The following OSBPL5 variants were observed in gnomAD, a reference collection of about 807,000 sequenced individuals.
The protein encoded by OSBPL5 is oxysterol binding protein like 5.
A neutral mutation model predicts 111.2 loss-of-function variants in OSBPL5; 71 were observed. That is an observed-to-expected ratio of 0.64 (90% CI 0.53 to 0.78). The LOEUF is 0.78. OSBPL5 is among the 30% of genes least tolerant of loss of function. OSBPL5 has a pLI of 0.00. For missense variants in OSBPL5, 1,210 were observed against 1,189.3 expected (o/e 1.02, Z -0.26); for synonymous variants, 549 against 513.9 (o/e 1.07, Z -0.93).
Position 3,121,711 on chromosome 11 carries a change from C to A in OSBPL5, c.402+286G>T. ...CAGCGCCCTCCGCCCACTGGCCAGGCCCCACCTTATTCGGAAATGGGGTCT... is the reference window on the plus strand; with the variant it reads ...CAGCGCCCTCCGCCCACTGGCCAGGACCCACCTTATTCGGAAATGGGGTCT... On this transcript the variant is annotated intron_variant, in intron 5 of 21. Transcript: ENST00000263650. This position sits in a 1 kb window ranked among gnomAD's most constrained non-coding sequence, Gnocchi z 4.3. The A allele has an allele frequency of 2.2e-6, 1 of 458,702 alleles. No homozygotes were observed. Among genetic ancestry groups the A allele is most frequent in the East Asian group, 4.1e-5 (1 of 24,418 alleles). The allele number at this position is 458,702 out of a possible 1,614,324, so 28.4% of individuals were successfully genotyped here. A position where few individuals can be genotyped will look rare whatever the true frequency, so the allele number is the denominator to read the frequency against.
rs960752595 is a variant in OSBPL5 at position 3,162,245 on chromosome 11, A to C, written c.-22+2971T>G. On this transcript the variant is annotated intron_variant, in intron 1 of 21. Transcript: ENST00000263650. The surrounding 1 kb of genome is among the most constrained non-coding windows in gnomAD (Gnocchi z 8.1). ...CAAGAGCTGGTAGGGCCAGGAGGGG[A>C]GTGGAGGCCAGCCCTGGAGGGAGTA... 2.6e-5 allele frequency among the ~76,000 whole-genome samples: 4 copies of C among 151,984 alleles called. No homozygotes were observed. The highest frequency in any genetic ancestry group is 9.7e-5 in the African/African-American group (4 of 41,352).
intron 14 of OSBPL5, among the ~76,000 whole-genome samples, chr11:3,096,806 T>TA (rs1181209961): frequency 1.3e-5 from 2 of 151,646 alleles, no homozygotes; most frequent in Non-Finnish European, 2.9e-5. Flanking sequence ...TACTTTGATA[T>TA]ATGTTTGAAC....
In OSBPL5 at chr11:3,092,541, G is replaced by C. The variant is rs1303375469; in HGVS notation, c.2150C>G (p.Pro717Arg). 1 of 1,591,150 alleles carries C rather than the reference G, an allele frequency of 6.3e-7. No homozygotes were observed. The highest frequency in any genetic ancestry group is 8.6e-7 in the Non-Finnish European group (1 of 1,169,018). The change falls in exon 19 of 22, where the codon CCC becomes CGC. Residue 717 changes from proline (P) to arginine (R), a missense_variant. By Grantham distance (103) the Pro-to-Arg change is moderately radical. Transcript: ENST00000263650. This position sits in a 1 kb window ranked among gnomAD's most constrained non-coding sequence, Gnocchi z 5.4. ...YRYEDHSPWDPLKDIAQFEQD... is the reference protein window; with the variant it reads ...YRYEDHSPWDRLKDIAQFEQD... ...CTCAAACTGGGCGATGTCCTTCAGG[G>C]GGTCCCAGGGGCTGTGGCTGGAGGG...
chr11:3,093,301 G>C, intron 17 of OSBPL5: 1 of 781,940 alleles, frequency 1.3e-6, no homozygotes, highest in Admixed American at 2.9e-5. Context: ...CTCGCCGGCA[G>C]TGATGCAGTG....
intron 3 of OSBPL5, among the ~76,000 whole-genome samples, chr11:3,122,972 G>C (rs994273180): frequency 6.6e-6 from 1 of 152,184 alleles, no homozygotes; most frequent in Non-Finnish European, 1.5e-5. Context: ...TTCCCCCTAC[G>C]GTACCCAGCA....
intron 10 of OSBPL5, among the ~76,000 whole-genome samples, chr11:3,103,854 G>GCCCCC (rs879566277): frequency 2.9e-5 from 3 of 103,476 alleles, no homozygotes; most frequent in Non-Finnish European, 6.1e-5. Flanking sequence ...CCCCTTTCCA[G>GCCCCC]TCTGCGCAGC....
Position 3,120,537 on chromosome 11 carries a change from G to A in OSBPL5, c.490C>T (p.Gln164Ter), listed in dbSNP as rs1858368869. The A allele has an allele frequency of 6.2e-7, 1 of 1,613,314 alleles. No individual in the cohort carries two copies. Among genetic ancestry groups the A allele is most frequent in the Non-Finnish European group, 8.5e-7 (1 of 1,180,008 alleles). The stretch of plus-strand genomic sequence containing the variant: ...TGCAGCAGCACCGTGCCCACCCACT[G>A]GCCCACCTTGGGCGTCTTGTAGATG... Reference protein sequence around the residue: ...LLIYKTPKVGQWVGTVLLHCC... With the variant: ...LLIYKTPKVG The change falls in exon 6 of 22, where the codon CAG (glutamine) becomes TAG (stop). Residue 164 changes from glutamine to a stop codon, truncating the protein, a stop_gained. Coordinates refer to ENST00000263650, the MANE Select transcript of OSBPL5 (RefSeq NM_020896.4). LOFTEE classifies it high-confidence loss of function.
At chr11:3,138,790 G>A (rs1265802484) in intron 1 of OSBPL5, among the ~76,000 whole-genome samples, 1 of 152,368 alleles carries the variant, frequency 6.6e-6, no homozygotes, top group South Asian at 2.1e-4. Context: ...GGGGACCAAG[G>A]GAGAAGCAGC....
intron 1 of OSBPL5, among the ~76,000 whole-genome samples, chr11:3,134,556 T>TGCCCTGCCCAGCCGCTC (rs1845899271): frequency 6.6e-6 from 1 of 152,092 alleles, no homozygotes; most frequent in Non-Finnish European, 1.5e-5. Flanking sequence ...CCCAGGTGGG[T>TGCCCTGCCCAGCCGCTC]GCCCTGCCCA....
chr11:3,120,520 C>T lies in OSBPL5; in HGVS notation c.507G>A (p.Val169=), dbSNP rs982260501. 1 of 1,613,312 alleles carries T rather than the reference C, an allele frequency of 6.2e-7. No individual in the cohort carries two copies. The highest frequency in any genetic ancestry group is 8.5e-7 in the Non-Finnish European group (1 of 1,180,016). The change falls in exon 6 of 22, where the codon GTG becomes GTA. Residue 169 remains valine (V), a synonymous_variant. Transcript: ENST00000263650. The part of the protein sequence containing the change: ...TPKVGQWVGT[V]LLHCCELIER... ...CGATGAGCTCGCAGCAGTGCAGCAG[C>T]ACCGTGCCCACCCACTGGCCCACCT...
intron 14 of OSBPL5, among the ~76,000 whole-genome samples, chr11:3,096,996 AGAG>A (rs1857283819): frequency 4.6e-4 from 2 of 4,306 alleles, no homozygotes; most frequent in African/African-American, 6.8e-4. Context: ...GAGGAGGAGA[AGAG>A]GAAAGAGGGG....
intron 12 of OSBPL5, 51 bp downstream of exon 12, chr11:3,102,132 C>T: frequency 1.3e-6 from 2 of 1,538,324 alleles, no homozygotes; most frequent in Non-Finnish European, 1.8e-6. Context: ...CCACAGAGCC[C>T]CGCCCCATAG....
chr11:3,155,446 G>T lies in OSBPL5; in HGVS notation c.-22+9770C>A, dbSNP rs565036784. Reference sequence around the variant, plus strand: ...CAGCTCTGCCACTCACCCCAGCTCTGCCACTCACCCTAGCTCTGCCACTCA... The same window carrying T: ...CAGCTCTGCCACTCACCCCAGCTCTTCCACTCACCCTAGCTCTGCCACTCA... On this transcript the variant is annotated intron_variant, in intron 1 of 21. Transcript: ENST00000263650. 2.1e-3 allele frequency among the ~76,000 whole-genome samples: 313 copies of T among 151,616 alleles called. 2 individuals carry two copies. The highest frequency in any genetic ancestry group is 3.8e-4 in the Non-Finnish European group (26 of 67,878).
chr11:3,151,152 AG>A (rs2134541989), intron 1 of OSBPL5, among the ~76,000 whole-genome samples: 1 of 152,248 alleles, frequency 6.6e-6, no homozygotes, highest in South Asian at 2.1e-4. Context: ...CCACGAGCCA[AG>A]GAACACCTGG....
rs1857547384 is a variant in OSBPL5, at chr11:3,103,727, C to CCCCTTCCAGCCTCTGCAGT, written c.1245-408_1245-407insACTGCAGAGGCTGGAAGGG. Reference sequence around the variant, plus strand: ...GCGTACCCCCTTCCAGGCTCTGCTGCCCCTTCCTGCCTCTGCAACCCTCTT... The same window carrying CCCCTTCCAGCCTCTGCAGT: ...GCGTACCCCCTTCCAGGCTCTGCTGCCCCTTCCAGCCTCTGCAGTCCCTTCCTGCCTCTGCAACCCTCTT... On this transcript the variant is annotated intron_variant, in intron 10 of 21. Transcript: ENST00000263650. 2.5e-5 allele frequency among the ~76,000 whole-genome samples: 2 copies of CCCCTTCCAGCCTCTGCAGT among 80,400 alleles called. 1 individual carries two copies. The highest frequency in any genetic ancestry group is 8.2e-5 in the African/African-American group (2 of 24,368). The allele number at this position is 80,400 out of a possible 152,430, so 52.7% of individuals were successfully genotyped here. A position where few individuals can be genotyped will look rare whatever the true frequency, so the allele number is the denominator to read the frequency against.
chr11:3,148,477 T>C (rs924028334), intron 1 of OSBPL5, among the ~76,000 whole-genome samples: 1 of 152,012 alleles, frequency 6.6e-6, no homozygotes, highest in African/African-American at 2.4e-5. Context: ...AGAACAGAGG[T>C]CACAGAAGAG....
chr11:3,099,314 T>C (rs1564826181), intron 14 of OSBPL5, among the ~76,000 whole-genome samples: 1 of 152,140 alleles, frequency 6.6e-6, no homozygotes, highest in Non-Finnish European at 1.5e-5. Flanking sequence ...TACATGTCCT[T>C]CTGTATTTAG....
Position 3,100,234 on chromosome 11 carries a change from C to T in OSBPL5, c.1545G>A (p.Leu515=). The change falls in exon 14 of 22, where the codon CTG becomes CTA. Residue 515 remains leucine (L), a synonymous_variant. Transcript: ENST00000263650. The stretch of plus-strand genomic sequence containing the variant: ...GGAAGGTGAGCGTGGCTTTGCCGTC[C>T]AGCAGCGCCGACAGCGAGTTCCCTG... ...RFYGNSLSAL[L]DGKATLTFLN... 6 of 1,614,026 alleles carry T rather than the reference C, an allele frequency of 3.7e-6. No individual in the cohort carries two copies. Among genetic ancestry groups the T allele is most frequent in the Non-Finnish European group, 5.1e-6 (6 of 1,179,988 alleles).
chr11:3,159,284 G>C (rs1411477268), intron 1 of OSBPL5, among the ~76,000 whole-genome samples: 1 of 152,182 alleles, frequency 6.6e-6, no homozygotes. Flanking sequence ...CACTACCTCT[G>C]TAGCTCGTCT....
Sources: allele counts gnomAD v4.1 joint callset (sites outside exome capture counted in the v4.1 genomes callset), GRCh38; gene constraint gnomAD v4.1.1; non-coding constraint Gnocchi (gnomAD v3.1); transcripts MANE v1.5; gene names NCBI Gene and HGNC (gene_info 2026-07-23, HGNC 2026-07-21).